Variants in SLC35F3 observed in about 807,000 individuals in gnomAD.
SLC35F3 encodes putative thiamine transporter SLC35F3.
In SLC35F3, 25 loss-of-function variants were observed where a neutral mutation model predicts 49.9. That is an observed-to-expected ratio of 0.50 (90% confidence interval 0.37 to 0.70). The LOEUF (loss-of-function observed/expected upper bound fraction) is 0.70, where lower values mean the gene tolerates loss of function less well. Ranked by LOEUF, SLC35F3 falls within the 30% of genes least tolerant of loss-of-function variation. The pLI is 0.00. For missense variants in SLC35F3, 525 were observed against 639.8 expected, an observed-to-expected ratio of 0.82 and a Z score of 1.94; for synonymous variants, 275 against 265.4, an observed-to-expected ratio of 1.04 and a Z score of -0.35.
At position 234,323,944 on chromosome 1, in the gene SLC35F3, A is replaced by G. The variant is rs1401198238; in HGVS notation, c.*701A>G. On this transcript the variant is annotated 3_prime_UTR_variant, in exon 8 of 8. Coordinates refer to ENST00000366618, the MANE Select transcript of SLC35F3 (RefSeq NM_173508.4). The surrounding 1 kb of genome is among the most constrained non-coding windows in gnomAD (Gnocchi z 4.5). The stretch of plus-strand genomic sequence containing the variant: ...TTCTACAGAATTTTCGTCTTTACCT[A>G]TGTGAAGCGAGGTGACGTGATACGT... The G allele has an allele frequency of 1.3e-5, 2 of 152,328 alleles. No individual in the cohort carries two copies. Among genetic ancestry groups the G allele is most frequent in the African/African-American group, 4.8e-5 (2 of 41,456 alleles). The allele number at this position is 152,328 out of a possible 1,614,324, so 9.4% of individuals were successfully genotyped here. A position where few individuals can be genotyped will look rare whatever the true frequency, so the allele number is the denominator to read the frequency against.
chr1:233,933,305 T>G (rs1662274770), intron 2 of SLC35F3, among the ~76,000 whole-genome samples: 1 of 152,120 alleles, frequency 6.6e-6, no homozygotes, highest in Admixed American at 6.6e-5. Context: ...CCAACCAAAT[T>G]ATTGTTGTAT....
At chr1:234,159,620 G>T (rs1008237831) in intron 2 of SLC35F3, among the ~76,000 whole-genome samples, 1 of 152,058 alleles carries the variant, frequency 6.6e-6, no homozygotes, top group Non-Finnish European at 1.5e-5. Context: ...ACATTGCCTT[G>T]GGAATTCTCA....
At chr1:234,186,086 G>A (rs1443406993) in intron 2 of SLC35F3, among the ~76,000 whole-genome samples, 1 of 152,208 alleles carries the variant, frequency 6.6e-6, no homozygotes, top group East Asian at 1.9e-4. Flanking sequence ...GGGAAGGGTT[G>A]CTGGCAATAT....
chr1:234,049,823 T>C (rs1664348413), intron 2 of SLC35F3, among the ~76,000 whole-genome samples: 1 of 152,140 alleles, frequency 6.6e-6, no homozygotes, highest in African/African-American at 2.4e-5. Context: ...GTGTGTGATG[T>C]TCCCTTTCCT....
intron 2 of SLC35F3, among the ~76,000 whole-genome samples, chr1:234,058,328 ATTTTTTTTTTTTTT>A (rs56960667): frequency 1.0e-3 from 41 of 39,800 alleles, no homozygotes; most frequent in Admixed American, 9.8e-3. Flanking sequence ...ATGTTCCTGA[ATTTTTTTTTTTTTT>A]TTTTTTTTTT....
At chr1:234,199,728 T>C (rs1482272512) in intron 2 of SLC35F3, among the ~76,000 whole-genome samples, 1 of 152,022 alleles carries the variant, frequency 6.6e-6, no homozygotes, top group Non-Finnish European at 1.5e-5. Context: ...AAGAAAATAT[T>C]TGCAAACCAT....
intron 2 of SLC35F3, among the ~76,000 whole-genome samples, chr1:234,012,179 A>G (rs1409551957): frequency 1.3e-5 from 2 of 152,230 alleles, no homozygotes; most frequent in Non-Finnish European, 2.9e-5. Flanking sequence ...ATCTCAGTGG[A>G]GTAAAGAATA....
At position 234,016,407 on chromosome 1, in the gene SLC35F3, T is replaced by C. The variant is rs192585912; in HGVS notation, c.283+110649T>C. Among the ~76,000 whole-genome samples, 3 of 152,288 alleles carry C rather than the reference T, an allele frequency of 2.0e-5. No homozygotes were observed. In the East Asian group the frequency reaches 5.8e-4, roughly 29 times the overall value. On this transcript the variant is annotated intron_variant, in intron 2 of 7. Coordinates refer to ENST00000366618, the MANE Select transcript of SLC35F3 (RefSeq NM_173508.4). Reference sequence around the variant, plus strand: ...ATCAACCTAAGGATCCATCAATGGATTAATGGATAAAGAAAATGTAGTATA... The same window carrying C: ...ATCAACCTAAGGATCCATCAATGGACTAATGGATAAAGAAAATGTAGTATA...
At position 234,323,350 on chromosome 1, in the gene SLC35F3, G is replaced by T. The variant is rs1657678862; in HGVS notation, c.*107G>T. 6.4e-6 allele frequency: 6 copies of T among 941,532 alleles called. No individual in the cohort carries two copies. The highest frequency in any genetic ancestry group is 9.6e-6 in the Non-Finnish European group (6 of 623,934). The allele number at this position is 941,532 out of a possible 1,614,324, so 58.3% of individuals were successfully genotyped here. A position where few individuals can be genotyped will look rare whatever the true frequency, so the allele number is the denominator to read the frequency against. On this transcript the variant is annotated 3_prime_UTR_variant, in exon 8 of 8. Coordinates refer to ENST00000366618, the MANE Select transcript of SLC35F3 (RefSeq NM_173508.4). This position sits in a 1 kb window ranked among gnomAD's most constrained non-coding sequence, Gnocchi z 4.5. ...ACCTGTACAGTTTTGGTCATCTGCG[G>T]TAAGTTCTATGGTATTTATTGGCAT...
chr1:234,169,130 A>G (rs1041450062), intron 2 of SLC35F3, among the ~76,000 whole-genome samples: 3 of 152,174 alleles, frequency 2.0e-5, no homozygotes, highest in Non-Finnish European at 4.4e-5. Flanking sequence ...GTCTCCACTC[A>G]AGAAGAGAGC....
intron 3 of SLC35F3, among the ~76,000 whole-genome samples, chr1:234,275,761 AAAATATAT>A (rs1049218053): frequency 2.4e-4 from 33 of 137,324 alleles, no homozygotes; most frequent in Middle Eastern, 3.6e-3. Context: ...TGAAAAAAAA[AAAATATAT>A]ATATATATAT....
At chr1:234,170,252 AT>A (rs1666380019) in intron 2 of SLC35F3, among the ~76,000 whole-genome samples, 1 of 152,168 alleles carries the variant, frequency 6.6e-6, no homozygotes, top group African/African-American at 2.4e-5. Flanking sequence ...AGCTTCACAG[AT>A]GGCCTGACCC....
chr1:234,039,601 C>T (rs1572028964), intron 2 of SLC35F3, among the ~76,000 whole-genome samples: 2 of 152,146 alleles, frequency 1.3e-5, no homozygotes, highest in African/African-American at 4.8e-5. Context: ...CACACAGTCA[C>T]GGAGCTGTGT....
At position 233,947,575 on chromosome 1, in the gene SLC35F3, C is replaced by G. The variant is rs1207264113; in HGVS notation, c.283+41817C>G. ...TCAAGCGAAGGGCTCAAATGGGTACCACTACAGTTAAACCACAAGGCTAGA... is the reference window on the plus strand; with the variant it reads ...TCAAGCGAAGGGCTCAAATGGGTACGACTACAGTTAAACCACAAGGCTAGA... On this transcript the variant is annotated intron_variant, in intron 2 of 7. Coordinates refer to ENST00000366618, the MANE Select transcript of SLC35F3 (RefSeq NM_173508.4). 2.0e-5 allele frequency among the ~76,000 whole-genome samples: 3 copies of G among 151,538 alleles called. No homozygotes were observed. In the South Asian group the frequency reaches 6.3e-4, roughly 32 times the overall value.
At chr1:233,917,147 G>A (rs1246820856) in intron 2 of SLC35F3, among the ~76,000 whole-genome samples, 1 of 152,136 alleles carries the variant, frequency 6.6e-6, no homozygotes, top group Non-Finnish European at 1.5e-5. Context: ...TTGGCTCCAT[G>A]CCATACTTTC....
chr1:234,128,194 C>T (rs182697484), intron 2 of SLC35F3, among the ~76,000 whole-genome samples: 29 of 152,220 alleles, frequency 1.9e-4, no homozygotes, highest in African/African-American at 5.8e-4. Context: ...AGGAAGGAAG[C>T]GAGAAGGTCC....
chr1:234,066,858 A>G (rs1444808638), intron 2 of SLC35F3, among the ~76,000 whole-genome samples: 5 of 148,838 alleles, frequency 3.4e-5, no homozygotes, highest in Admixed American at 3.3e-4. Context: ...ACACACACAC[A>G]CACACACACA....
intron 2 of SLC35F3, among the ~76,000 whole-genome samples, chr1:233,991,646 C>T (rs114643654): frequency 8.3e-4 from 126 of 152,148 alleles, no homozygotes; most frequent in African/African-American, 3.0e-3. Flanking sequence ...TTGTTTTTTA[C>T]TTATGACCAC....
intron 2 of SLC35F3, among the ~76,000 whole-genome samples, chr1:234,042,975 G>A (rs1023236053): frequency 2.0e-5 from 3 of 152,166 alleles, no homozygotes; most frequent in Non-Finnish European, 4.4e-5. Flanking sequence ...GTAAGTCTAA[G>A]TAATATGCTT....
Sources: allele counts gnomAD v4.1 joint callset (sites outside exome capture counted in the v4.1 genomes callset), GRCh38; gene constraint gnomAD v4.1.1; non-coding constraint Gnocchi (gnomAD v3.1); transcripts MANE v1.5; gene names NCBI Gene and HGNC (gene_info 2026-07-23, HGNC 2026-07-21).